The following PRDM11 variants were observed in gnomAD, a reference collection of about 807,000 sequenced individuals.
PRDM11 encodes PR/SET domain 11.
In PRDM11, 20 loss-of-function variants were observed where a neutral mutation model predicts 97.8. The ratio of observed to expected loss-of-function variants is 0.20; its 90% CI spans 0.14 to 0.30. PRDM11 has a LOEUF of 0.30. Among genes scored for constraint, PRDM11 ranks in the 10% least tolerant of loss-of-function variants. PRDM11 has a pLI of 1.00. For synonymous variants in PRDM11, 599 were observed against 637.7 expected, an observed-to-expected ratio of 0.94 and a Z score of 0.91; for missense variants, 1,139 against 1,555.2, an observed-to-expected ratio of 0.73 and a Z score of 4.50.
At chr11:45,129,841 G>T (rs1852679191) in intron 1 of PRDM11, among the ~76,000 whole-genome samples, 1 of 152,108 alleles carries the variant, frequency 6.6e-6, no homozygotes, top group African/African-American at 2.4e-5. Context: ...TGTTGAAGAA[G>T]AATAAAGTTG....
chr11:45,115,747 T>C (rs1032882925), intron 1 of PRDM11, among the ~76,000 whole-genome samples: 1 of 151,808 alleles, frequency 6.6e-6, no homozygotes, highest in Admixed American at 6.6e-5. Context: ...CTGGCCAACA[T>C]GGTGAAACCC....
intron 1 of PRDM11, among the ~76,000 whole-genome samples, chr11:45,152,300 C>A (rs1851679180): frequency 6.6e-6 from 1 of 152,146 alleles, no homozygotes; most frequent in Admixed American, 6.5e-5. Context: ...CTCCCGACCT[C>A]AAGTGATCCA....
intron 4 of PRDM11, among the ~76,000 whole-genome samples, chr11:45,184,299 C>T (rs559090866): frequency 1.3e-5 from 2 of 152,290 alleles, no homozygotes; most frequent in Non-Finnish European, 2.9e-5. Context: ...GGACTTCTGT[C>T]CTTTTAATAA....
At chr11:45,122,202 GACAC>G (rs756403475) in intron 1 of PRDM11, among the ~76,000 whole-genome samples, 10,812 of 145,040 alleles carry the variant, frequency 0.075, 492 homozygotes, top group Middle Eastern at 0.17. Flanking sequence ...CACACACACA[GACAC>G]ACACACACAC....
intron 1 of PRDM11, among the ~76,000 whole-genome samples, chr11:45,102,455 C>T (rs1851994374): frequency 6.6e-6 from 1 of 152,182 alleles, no homozygotes; most frequent in African/African-American, 2.4e-5. Context: ...GCAGCACTCC[C>T]TGGGGCCGGC....
At chr11:45,122,202 GACACACAC>G (rs756403475) in intron 1 of PRDM11, among the ~76,000 whole-genome samples, 7 of 145,022 alleles carry the variant, frequency 4.8e-5, no homozygotes, top group Admixed American at 2.1e-4. Context: ...CACACACACA[GACACACAC>G]ACACACACAC....
intron 3 of PRDM11, 38 bp from the exon 4 acceptor site, chr11:45,182,823 A>G (rs757972362): frequency 4.6e-6 from 7 of 1,537,948 alleles, no homozygotes; most frequent in Non-Finnish European, 5.3e-6. Context: ...ACCTCCCTGC[A>G]ACAACTGAGG....
intron 1 of PRDM11, among the ~76,000 whole-genome samples, chr11:45,180,793 C>G: frequency 6.6e-6 from 1 of 150,790 alleles, no homozygotes; most frequent in Admixed American, 6.6e-5. Context: ...TACACCGGCC[C>G]GAGACGGGGC....
At chr11:45,106,084 C>T (rs1313304499) in intron 1 of PRDM11, among the ~76,000 whole-genome samples, 1 of 152,184 alleles carries the variant, frequency 6.6e-6, no homozygotes, top group Non-Finnish European at 1.5e-5. Flanking sequence ...TCACCCACGC[C>T]TGAACTTCCC....
chr11:45,200,870 C>T (rs1377255323), intron 4 of PRDM11, among the ~76,000 whole-genome samples: 3 of 152,198 alleles, frequency 2.0e-5, no homozygotes, highest in African/African-American at 7.2e-5. Context: ...AAAAGCATCC[C>T]TGCTTCCCTC....
chr11:45,123,798 T>C (rs1852499810), intron 1 of PRDM11, among the ~76,000 whole-genome samples: 2 of 152,110 alleles, frequency 1.3e-5, no homozygotes, highest in Admixed American at 1.3e-4. Context: ...GGCTTTGTTC[T>C]TTTGGCTTAG....
At chr11:45,177,158 G>C (rs1852346127) in intron 1 of PRDM11, among the ~76,000 whole-genome samples, 1 of 152,236 alleles carries the variant, frequency 6.6e-6, no homozygotes, top group Admixed American at 6.5e-5. Flanking sequence ...ACTGGCTCCT[G>C]GGCATTCCAG....
chr11:45,209,578 C>T (rs1853642553), intron 5 of PRDM11, among the ~76,000 whole-genome samples: 5 of 152,158 alleles, frequency 3.3e-5, no homozygotes. Context: ...ACCCTGGACT[C>T]CTAGGAATAA....
At chr11:45,138,792 A>C (rs748814765) in intron 1 of PRDM11, among the ~76,000 whole-genome samples, 6 of 152,174 alleles carry the variant, frequency 3.9e-5, no homozygotes, top group Non-Finnish European at 5.9e-5. Flanking sequence ...TTTTTACAAT[A>C]TACTGAAGAA....
In PRDM11 at chr11:45,129,710, T is replaced by A. The variant is rs544817403; in HGVS notation, c.96+33809T>A. Among the ~76,000 whole-genome samples, 3 of 152,228 alleles carry A rather than the reference T, an allele frequency of 2.0e-5. No individual in the cohort carries two copies. The East Asian group carries it at 5.8e-4, about 29-fold the overall frequency. Reference sequence around the variant, plus strand: ...TATTGTTTCTCTCCAAATAGCAATCTCTCTCCAAATTGATCTACAGATTTT... The same window carrying A: ...TATTGTTTCTCTCCAAATAGCAATCACTCTCCAAATTGATCTACAGATTTT... On this transcript the variant is annotated intron_variant, in intron 1 of 6. Transcript: ENST00000530656.
chr11:45,143,810 T>A (rs145713659), upstream of PRDM11, among the ~76,000 whole-genome samples: 6 of 152,332 alleles, frequency 3.9e-5, no homozygotes, highest in South Asian at 4.1e-4. Context: ...CCAGAAGGTG[T>A]GTACCATATG....
intron 1 of PRDM11, among the ~76,000 whole-genome samples, chr11:45,109,475 A>C (rs1368620699): frequency 6.6e-6 from 1 of 152,200 alleles, no homozygotes; most frequent in African/African-American, 2.4e-5. Context: ...TACCATGCAC[A>C]GATGAAAAGA....
intron 1 of PRDM11, among the ~76,000 whole-genome samples, chr11:45,118,523 A>T (rs568389782): frequency 1.3e-5 from 2 of 152,354 alleles, no homozygotes; most frequent in Non-Finnish European, 2.9e-5. Context: ...TCCTCCCGGG[A>T]ATGCAAGTTT....
At chr11:45,225,864 C>A in intron 7 of PRDM11, 131 bp from the exon 8 acceptor site, 2 of 1,175,030 alleles carry the variant, frequency 1.7e-6, no homozygotes, top group South Asian at 1.8e-5. Flanking sequence ...GGGATTCAAT[C>A]CATCATAGGC....
Sources: gnomAD v4.1 joint callset for allele counts (sites outside exome capture counted in the v4.1 genomes callset) on GRCh38, gnomAD v4.1.1 for gene constraint, MANE v1.5 for transcripts, NCBI Gene and HGNC (gene_info 2026-07-23, HGNC 2026-07-21) for gene names.